NXPE2: variants seen among roughly 807,000 people sequenced by gnomAD.
The protein encoded by NXPE2 is neurexophilin and PC-esterase domain family member 2.
In NXPE2, 34 loss-of-function variants were observed where a neutral mutation model predicts 34.4. That is an observed-to-expected ratio of 0.99 (90% CI 0.75 to 1.31). NXPE2 has a LOEUF of 1.31. NXPE2 is among the 40% of genes most tolerant of loss of function. NXPE2 has a pLI of 0.00. For synonymous variants in NXPE2, 235 were observed against 231.3 expected (o/e 1.02, Z -0.15); for missense variants, 649 against 672.5 (o/e 0.97, Z 0.39).
At chr11:114,593,521 G>T in the NXPE2 span, among the ~76,000 whole-genome samples, 1 of 152,026 alleles carries the variant, frequency 6.6e-6, no homozygotes, top group South Asian at 2.1e-4. Context: ...AAGACAGATA[G>T]TAACATATGC....
chr11:114,672,481 T>C, the NXPE2 span, among the ~76,000 whole-genome samples: 1 of 151,938 alleles, frequency 6.6e-6, no homozygotes, highest in Non-Finnish European at 1.5e-5. Flanking sequence ...ATGATAATAC[T>C]TAATGTGAAT....
At chr11:114,641,492 G>C in the NXPE2 span, among the ~76,000 whole-genome samples, 284 of 152,076 alleles carry the variant, frequency 1.9e-3, no homozygotes, top group Middle Eastern at 0.01. Flanking sequence ...TCAAACATTA[G>C]GGAATGCCAC....
At chr11:114,725,891 G>T in the NXPE2 span, among the ~76,000 whole-genome samples, 1 of 150,440 alleles carries the variant, frequency 6.6e-6, no homozygotes, top group South Asian at 2.1e-4. Flanking sequence ...TTCTCCTAGA[G>T]AGTGGCTATC....
At chr11:114,536,233 A>G in the NXPE2 span, among the ~76,000 whole-genome samples, 2 of 152,214 alleles carry the variant, frequency 1.3e-5, no homozygotes, top group South Asian at 4.1e-4. Flanking sequence ...TTTGAAACCA[A>G]TGAGAACAAA....
chr11:114,718,314 T>A, the NXPE2 span, among the ~76,000 whole-genome samples: 1 of 152,178 alleles, frequency 6.6e-6, no homozygotes, highest in Non-Finnish European at 1.5e-5. Context: ...AAGTACTTAG[T>A]GAAATAAGCC....
the NXPE2 span, among the ~76,000 whole-genome samples, chr11:114,734,435 A>G: frequency 6.6e-6 from 1 of 152,200 alleles, no homozygotes; most frequent in African/African-American, 2.4e-5. Flanking sequence ...GTGTGAGCAC[A>G]GTGCTTTTTA....
At chr11:114,688,680 G>A (rs372714597) in intron 2 of NXPE2, among the ~76,000 whole-genome samples, 2 of 152,104 alleles carry the variant, frequency 1.3e-5, no homozygotes, top group African/African-American at 4.8e-5. Flanking sequence ...TTCTTTGTAT[G>A]TCTGGTAGAA....
At chr11:114,634,069 A>C in the NXPE2 span, among the ~76,000 whole-genome samples, 1 of 151,850 alleles carries the variant, frequency 6.6e-6, no homozygotes, top group South Asian at 2.1e-4. Context: ...ACTAGTTTAC[A>C]GTTCCACCAA....
At chr11:114,711,736 T>C (rs1239953745), downstream of NXPE2, among the ~76,000 whole-genome samples, 1 of 152,164 alleles carries the variant, frequency 6.6e-6, no homozygotes, top group Non-Finnish European at 1.5e-5. Flanking sequence ...GCATTTTTTG[T>C]AGAATTAGAA....
the NXPE2 span, among the ~76,000 whole-genome samples, chr11:114,796,065 C>A: frequency 6.6e-6 from 1 of 152,188 alleles, no homozygotes; most frequent in Admixed American, 6.5e-5. Flanking sequence ...TTAAAAGATA[C>A]ACCATCTTTG....
chr11:114,657,829 A>C, the NXPE2 span, among the ~76,000 whole-genome samples: 1 of 152,222 alleles, frequency 6.6e-6, no homozygotes. Context: ...CTTACAAATC[A>C]GCTTCCAGCC....
At chr11:114,631,618 A>G in the NXPE2 span, among the ~76,000 whole-genome samples, 1 of 151,866 alleles carries the variant, frequency 6.6e-6, no homozygotes, top group Non-Finnish European at 1.5e-5. Flanking sequence ...GCACATGTAT[A>G]CATATGTAAC....
chr11:114,495,740 A>G, the NXPE2 span, among the ~76,000 whole-genome samples: 2 of 152,122 alleles, frequency 1.3e-5, no homozygotes, highest in Non-Finnish European at 1.5e-5. Context: ...GAATTTCACC[A>G]GGACTAGGTC....
chr11:114,637,902 TC>T, the NXPE2 span, among the ~76,000 whole-genome samples: 2 of 152,042 alleles, frequency 1.3e-5, no homozygotes, highest in Non-Finnish European at 2.9e-5. Context: ...TAACATTTTT[TC>T]CTTCCTTTCA....
the NXPE2 span, among the ~76,000 whole-genome samples, chr11:114,510,228 C>T: frequency 6.6e-6 from 1 of 151,962 alleles, no homozygotes; most frequent in African/African-American, 2.4e-5. Context: ...TTTTCTTTTC[C>T]ATTTTATGTA....
the NXPE2 span, chr11:114,513,182 T>A: frequency 1.8e-6 from 1 of 550,728 alleles, no homozygotes; most frequent in South Asian, 1.4e-5. Context: ...TCCCAAGTGG[T>A]CTCTCACCTC....
chr11:114,516,434 A>G, the NXPE2 span, among the ~76,000 whole-genome samples: 5 of 152,200 alleles, frequency 3.3e-5, no homozygotes, highest in Non-Finnish European at 7.3e-5. Flanking sequence ...GTGATGGAGT[A>G]TCAAATCTTT....
the NXPE2 span, among the ~76,000 whole-genome samples, chr11:114,623,916 C>A: frequency 6.6e-6 from 1 of 151,852 alleles, no homozygotes. Context: ...ATCATTGCTA[C>A]CCAGTGGATA....
chr11:114,638,282 A>C, the NXPE2 span, among the ~76,000 whole-genome samples: 4 of 151,818 alleles, frequency 2.6e-5, no homozygotes, highest in Non-Finnish European at 5.9e-5. Flanking sequence ...TGCATTCTTC[A>C]TGTAGTTCTC....
Sources: allele counts gnomAD v4.1 joint callset (sites outside exome capture counted in the v4.1 genomes callset), GRCh38; gene constraint gnomAD v4.1.1; transcripts MANE v1.5; gene names NCBI Gene and HGNC (gene_info 2026-07-23, HGNC 2026-07-21).